Variants in MFN2 observed in about 807,000 individuals in gnomAD.
MFN2 encodes the protein mitofusin 2.
In MFN2, 43 loss-of-function variants were observed where a neutral mutation model predicts 87.5. The observed-to-expected ratio is 0.49, with a 90% CI of 0.38 to 0.63. The LOEUF (loss-of-function observed/expected upper bound fraction) is 0.63, where lower values mean the gene tolerates loss of function less well. Among genes scored for constraint, MFN2 ranks in the 30% least tolerant of loss-of-function variants. The pLI is 0.00. For missense variants in MFN2, 743 were observed against 972.8 expected, an observed-to-expected ratio of 0.76 and a Z score of 3.14; for synonymous variants, 337 against 359.9, an observed-to-expected ratio of 0.94 and a Z score of 0.72.
chr1:12,010,988 G>C (rs1249692360), intron 18 of MFN2, among the ~76,000 whole-genome samples: 1 of 152,090 alleles, frequency 6.6e-6, no homozygotes, highest in Non-Finnish European at 1.5e-5. Context: ...AACCCTCACC[G>C]GATCACTGGG....
Position 12,000,680 on chromosome 1 carries a change from A to G in MFN2, c.817-721A>G, listed in dbSNP as rs561845010. 2.4e-4 allele frequency among the ~76,000 whole-genome samples: 36 copies of G among 152,306 alleles called. No homozygotes were observed. The South Asian group carries it at 7.2e-3, about 31-fold the overall frequency. Reference sequence around the variant, plus strand: ...TATCGGTAGAACCCCAGGATGTCAGAGCCAGGAGGGATGTTCTAGTGATGC... The same window carrying G: ...TATCGGTAGAACCCCAGGATGTCAGGGCCAGGAGGGATGTTCTAGTGATGC... On this transcript the variant is annotated intron_variant, in intron 8 of 18. Transcript: ENST00000235329.
chr1:12,000,185 A>G (rs530750785), intron 8 of MFN2, among the ~76,000 whole-genome samples: 1 of 152,196 alleles, frequency 6.6e-6, no homozygotes, highest in East Asian at 1.9e-4. Flanking sequence ...TCAGTAGGCC[A>G]GAGTCCAAAT....
At position 11,998,721 on chromosome 1, in the gene MFN2, T is replaced by C. The variant is rs767560254; in HGVS notation, c.600-49T>C. The C allele has an allele frequency of 4.5e-6, 7 of 1,555,634 alleles. No individual in the cohort carries two copies. The Admixed American group carries it at 6.7e-5, about 15-fold the overall frequency. ...CCAGGTCTGTTCTCAGCAGGAAGAA[T>C]AGGGCTCCTGCTCTGCCTGATGATT... On this transcript the variant is annotated intron_variant, in intron 6 of 18. Coordinates refer to ENST00000235329, the MANE Select transcript of MFN2 (RefSeq NM_014874.4).
At chr1:11,987,908 G>A (rs916054285) in intron 2 of MFN2, among the ~76,000 whole-genome samples, 7 of 152,222 alleles carry the variant, frequency 4.6e-5, no homozygotes, top group African/African-American at 4.8e-5. Context: ...CTGTGATTGC[G>A]CCACTGCACT....
At chr1:11,997,096 T>G (rs941540118) in intron 5 of MFN2, among the ~76,000 whole-genome samples, 1 of 149,126 alleles carries the variant, frequency 6.7e-6, no homozygotes, top group African/African-American at 2.5e-5. Context: ...TAGGGTGATA[T>G]CCGGGAAAGA....
In MFN2 at chr1:12,013,472, A is replaced by T. The variant is rs1197976570; in HGVS notation, c.*1907A>T. ...GAGTTACTCCTGTATCATTGCTCATAATATTGGAAACTAAAATAAAACCTA... is the reference window on the plus strand; with the variant it reads ...GAGTTACTCCTGTATCATTGCTCATTATATTGGAAACTAAAATAAAACCTA... On this transcript the variant is annotated 3_prime_UTR_variant, in exon 19 of 19. Transcript: ENST00000235329. 2 of 409,204 alleles carry T rather than the reference A, an allele frequency of 4.9e-6. No individual in the cohort carries two copies. The highest frequency in any genetic ancestry group is 1.0e-5 in the Non-Finnish European group (2 of 197,892). 25.3% of individuals were successfully genotyped at this position (409,204 alleles called of 1,614,324 possible). A position where few individuals can be genotyped will look rare whatever the true frequency, so the allele number is the denominator to read the frequency against.
At chr1:11,995,542 A>C (rs1247903963) in intron 4 of MFN2, among the ~76,000 whole-genome samples, 1 of 152,134 alleles carries the variant, frequency 6.6e-6, no homozygotes, top group Non-Finnish European at 1.5e-5. Flanking sequence ...CTGAGGCAGG[A>C]GAATTGCTTG....
chr1:11,996,933 G>A (rs1160250512), intron 5 of MFN2, among the ~76,000 whole-genome samples: 1 of 151,862 alleles, frequency 6.6e-6, no homozygotes, highest in Non-Finnish European at 1.5e-5. Context: ...AGCTAGTCGC[G>A]AGGCTGAGGC....
intron 16 of MFN2, 118 bp downstream of exon 16, chr1:12,006,811 T>C: frequency 1.4e-6 from 2 of 1,451,202 alleles, no homozygotes; most frequent in Non-Finnish European, 1.9e-6. Flanking sequence ...ACTGCATACT[T>C]TCTCCTCTGT....
Position 12,004,940 on chromosome 1 carries a change from G to A in MFN2, c.1495+13G>A, listed in dbSNP as rs1410965456. 3.1e-6 allele frequency: 5 copies of A among 1,591,698 alleles called. No individual in the cohort carries two copies. Among genetic ancestry groups the A allele is most frequent in the Non-Finnish European group, 4.3e-6 (5 of 1,166,996 alleles). ...CAGGACATGATAGGTTAGTGCCCATGGGGAACTGGGCAGCTGTGGCCCTGG... is the reference window on the plus strand; with the variant it reads ...CAGGACATGATAGGTTAGTGCCCATAGGGAACTGGGCAGCTGTGGCCCTGG... On this transcript the variant is annotated intron_variant, in intron 14 of 18. Coordinates refer to ENST00000235329, the MANE Select transcript of MFN2 (RefSeq NM_014874.4). This position sits in a 1 kb window ranked among gnomAD's most constrained non-coding sequence, Gnocchi z 4.2.
rs538955051 is a variant in MFN2 at position 11,990,540 on chromosome 1, A to G, written c.175+1197A>G. 9.3e-4 allele frequency among the ~76,000 whole-genome samples: 141 copies of G among 152,354 alleles called. 1 individual carries two copies. The highest frequency in any genetic ancestry group is 2.6e-4 in the Non-Finnish European group (18 of 68,026). On this transcript the variant is annotated intron_variant, in intron 3 of 18. Coordinates refer to ENST00000235329, the MANE Select transcript of MFN2 (RefSeq NM_014874.4). ...GTCACCTACTCAGATGATGTGGTGG[A>G]CAAACACATGCGTAATGCAGGTGTT...
At position 12,004,194 on chromosome 1, in the gene MFN2, C is replaced by T; in HGVS notation, c.1287+76C>T. The T allele has an allele frequency of 1.3e-6, 2 of 1,577,300 alleles. No homozygotes were observed. Among genetic ancestry groups the T allele is most frequent in the South Asian group, 1.1e-5 (1 of 88,914 alleles). On this transcript the variant is annotated intron_variant, in intron 12 of 18. Transcript: ENST00000235329. This position sits in a 1 kb window ranked among gnomAD's most constrained non-coding sequence, Gnocchi z 4.2. ...TCCAGAAGAAAGCAGACCTCCTCCTCTTAGGGACTTCTCAGCCTTTCAGAA... is the reference window on the plus strand; with the variant it reads ...TCCAGAAGAAAGCAGACCTCCTCCTTTTAGGGACTTCTCAGCCTTTCAGAA...
chr1:11,996,768 T>A (rs945238030), intron 5 of MFN2, among the ~76,000 whole-genome samples: 2 of 152,180 alleles, frequency 1.3e-5, no homozygotes, highest in Non-Finnish European at 2.9e-5. Context: ...TCGGGCACGG[T>A]GGCTCACGCC....
rs778719488 is a variant in MFN2 at position 12,005,897 on chromosome 1, A to G, written c.1682A>G (p.Asn561Ser). 2 of 1,614,042 alleles carry G rather than the reference A, an allele frequency of 1.2e-6. No homozygotes were observed. The highest frequency in any genetic ancestry group is 4.5e-5 in the East Asian group (2 of 44,882). ...MLVNRFLGPK[N>S]SRRALMGYND... The stretch of plus-strand genomic sequence containing the variant: ...GTGAATAGGTTCCTGGGCCCCAAGA[A>G]CAGCCGTCGGGCCTTGATGGGCTAC... The change falls in exon 15 of 19, where the codon AAC becomes AGC. Residue 561 changes from asparagine (N) to serine (S), a missense_variant. By Grantham distance (46) the Asn-to-Ser change is conservative (BLOSUM62 1). Transcript: ENST00000235329.
rs1339295856 is a variant in MFN2, at chr1:12,006,827, C to CGCT, written c.1872+134_1872+135insGCT. The CGCT allele has an allele frequency of 2.8e-5, 39 of 1,387,968 alleles. 1 individual carries two copies. In the South Asian group the frequency reaches 4.5e-4, roughly 16 times the overall value. 86.0% of individuals were successfully genotyped at this position (1,387,968 alleles called of 1,614,324 possible). ...CTGCATACTTTCTCCTCTGTGATTGCATGGGGAGCGCTTACTCCCTCACCA... is the reference window on the plus strand; with the variant it reads ...CTGCATACTTTCTCCTCTGTGATTGCGCTATGGGGAGCGCTTACTCCCTCACCA... On this transcript the variant is annotated intron_variant, in intron 16 of 18. Coordinates refer to ENST00000235329, the MANE Select transcript of MFN2 (RefSeq NM_014874.4).
At position 12,002,105 on chromosome 1, in the gene MFN2, T is replaced by C; in HGVS notation, c.1160+2T>C. 1 of 1,614,182 alleles carries C rather than the reference T, an allele frequency of 6.2e-7. No homozygotes were observed. The highest frequency in any genetic ancestry group is 8.5e-7 in the Non-Finnish European group (1 of 1,180,032). On this transcript the variant is annotated splice_donor_variant, in intron 11 of 18. Transcript: ENST00000235329. LOFTEE classifies it high-confidence loss of function. The stretch of plus-strand genomic sequence containing the variant: ...GCACATGGCGGCTCGGGAGCAGCAG[T>C]AAGAGTCCAAGACTGCAGATAGGTG...
chr1:12,001,777 C>G lies in MFN2; in HGVS notation c.979C>G (p.Leu327Val). ...AQGMPEGGGA[L>V]AEGFQVRMFE... ...CAGTACAATCCTCCTAGGGGGCGCT[C>G]TCGCAGAAGGCTTTCAAGTGAGGAT... is the stretch of plus-strand genomic sequence containing the variant. The change falls in exon 10 of 19, where the codon CTC becomes GTC. Residue 327 changes from leucine to valine, a missense_variant. Around this residue, in one of 3 missense-constraint regions of MFN2, gnomAD observed 571 missense variants for 670.7 expected, o/e 0.85. Transcript: ENST00000235329. 1 of 1,614,174 alleles carries G rather than the reference C, an allele frequency of 6.2e-7. No homozygotes were observed. The highest frequency in any genetic ancestry group is 8.5e-7 in the Non-Finnish European group (1 of 1,180,042).
chr1:12,000,256 A>G (rs919402553), intron 8 of MFN2, among the ~76,000 whole-genome samples: 9 of 151,838 alleles, frequency 5.9e-5, no homozygotes, highest in African/African-American at 1.9e-4. Flanking sequence ...GCAGTGGCAC[A>G]ATCTCGGCTC....
At position 11,992,415 on chromosome 1, in the gene MFN2, T is replaced by C; in HGVS notation, c.176-140T>C. On this transcript the variant is annotated intron_variant, in intron 3 of 18. Transcript: ENST00000235329. ...CACCGTGGGGCCACCATAGAGGATC[T>C]GGAGCTCAGCCTGTCGGCTGCAGGG... 2.8e-6 allele frequency: 3 copies of C among 1,057,174 alleles called. No individual in the cohort carries two copies. The South Asian group carries it at 3.8e-5, about 13-fold the overall frequency. The allele number at this position is 1,057,174 out of a possible 1,614,324, so 65.5% of individuals were successfully genotyped here. A position where few individuals can be genotyped will look rare whatever the true frequency, so the allele number is the denominator to read the frequency against.
Sources: allele counts gnomAD v4.1 joint callset (sites outside exome capture counted in the v4.1 genomes callset), GRCh38; gene constraint gnomAD v4.1.1; regional missense constraint gnomAD v4.1.1; non-coding constraint Gnocchi (gnomAD v3.1); transcripts MANE v1.5; gene names NCBI Gene and HGNC (gene_info 2026-07-23, HGNC 2026-07-21).